PPP2R2C: variants seen among roughly 807,000 people sequenced by gnomAD.
The protein encoded by PPP2R2C is protein phosphatase 2, regulatory subunit B, gamma.
Under a neutral mutation model 45.3 loss-of-function variants are expected in PPP2R2C, and 10 were observed. That is an observed-to-expected ratio of 0.22 (90% CI 0.14 to 0.37). The LOEUF (loss-of-function observed/expected upper bound fraction) is 0.37. Ranked by LOEUF, PPP2R2C falls within the 10% of genes least tolerant of loss-of-function variation. PPP2R2C has a pLI of 1.00. For synonymous variants in PPP2R2C, 257 were observed against 245.4 expected (o/e 1.05, Z -0.44); for missense variants, 308 against 619.7 (o/e 0.50, Z 5.34).
At chr4:6,357,352 C>T (rs78333035) in intron 5 of PPP2R2C, among the ~76,000 whole-genome samples, 1 of 152,298 alleles carries the variant, frequency 6.6e-6, no homozygotes, top group Admixed American at 6.5e-5. Flanking sequence ...CCTTCCAGTG[C>T]CAACATTCAC....
rs889462938 is a variant in PPP2R2C at position 6,331,639 on chromosome 4, A to G, written c.960+1923T>C. 4.6e-5 allele frequency among the ~76,000 whole-genome samples: 7 copies of G among 152,246 alleles called. No individual in the cohort carries two copies. The South Asian group carries it at 1.0e-3, about 23-fold the overall frequency. On this transcript the variant is annotated intron_variant, in intron 7 of 8. Coordinates refer to ENST00000382599, the MANE Select transcript of PPP2R2C (RefSeq NM_020416.4). This position sits in a 1 kb window ranked among gnomAD's most constrained non-coding sequence, Gnocchi z 5.9. ...AGGGGTGAGATCTAGTGCATTTCCT[A>G]TTTCCTGCCTGGAATGTAGGCAAAG...
chr4:6,375,150 C>T (rs951396002), intron 4 of PPP2R2C, among the ~76,000 whole-genome samples: 9 of 152,166 alleles, frequency 5.9e-5, no homozygotes, highest in Non-Finnish European at 8.8e-5. Context: ...GGCACCAGCA[C>T]CCTCATTACT....
intron 1 of PPP2R2C, among the ~76,000 whole-genome samples, chr4:6,398,899 T>A (rs1413012929): frequency 2.0e-5 from 3 of 151,996 alleles, no homozygotes; most frequent in African/African-American, 4.8e-5. Flanking sequence ...AGAACAGAAT[T>A]CTCCTCAAAG....
intron 1 of PPP2R2C, among the ~76,000 whole-genome samples, chr4:6,386,838 G>GA (rs138927754): frequency 6.6e-6 from 1 of 152,228 alleles, no homozygotes; most frequent in Non-Finnish European, 1.5e-5. Context: ...AAGACGTAAA[G>GA]AAAATTGGCT....
At chr4:6,444,991 T>C (rs1720342559) in intron 1 of PPP2R2C, among the ~76,000 whole-genome samples, 1 of 152,028 alleles carries the variant, frequency 6.6e-6, no homozygotes. Context: ...TCCAGATCAG[T>C]CTGGGCAACA....
intron 5 of PPP2R2C, among the ~76,000 whole-genome samples, chr4:6,362,491 A>C (rs4689420): frequency 0.9 from 137,498 of 152,242 alleles, 62,782 homozygotes; most frequent in East Asian, 1. Flanking sequence ...CCATGCTCAT[A>C]GCAAAACAAC....
At chr4:6,389,396 C>A (rs2109329357) in intron 1 of PPP2R2C, among the ~76,000 whole-genome samples, 1 of 152,312 alleles carries the variant, frequency 6.6e-6, no homozygotes. Context: ...CTTAGGCAAG[C>A]CCAGCTCGAG....
At chr4:6,506,467 C>T (rs551150708) in intron 2 of PPP2R2C, among the ~76,000 whole-genome samples, 41 of 152,270 alleles carry the variant, frequency 2.7e-4, no homozygotes, top group African/African-American at 8.4e-4. Context: ...CACATGGAAA[C>T]AGGACACAGC....
At chr4:6,344,333 A>G (rs1711620959) in intron 6 of PPP2R2C, among the ~76,000 whole-genome samples, 1 of 152,246 alleles carries the variant, frequency 6.6e-6, no homozygotes, top group South Asian at 2.1e-4. Context: ...TGTTGAGTTC[A>G]TTGGCTGATT....
chr4:6,522,410 C>T (rs896797907), intron 2 of PPP2R2C, among the ~76,000 whole-genome samples: 2 of 152,238 alleles, frequency 1.3e-5, no homozygotes, highest in Non-Finnish European at 2.9e-5. Flanking sequence ...TGTGCCCCCC[C>T]AGACCCCACA....
intron 1 of PPP2R2C, among the ~76,000 whole-genome samples, chr4:6,401,833 G>A (rs1238181151): frequency 1.3e-5 from 2 of 152,012 alleles, no homozygotes; most frequent in African/African-American, 2.4e-5. Flanking sequence ...TGGTGGGAGA[G>A]GGGGGGTATC....
At chr4:6,419,381 G>GTGCCAC (rs1168320241) in intron 1 of PPP2R2C, among the ~76,000 whole-genome samples, 3 of 152,118 alleles carry the variant, frequency 2.0e-5, no homozygotes, top group South Asian at 4.2e-4. Flanking sequence ...AGCTGAGATG[G>GTGCCAC]TGCCACTGCC....
chr4:6,481,551 G>A (rs924927722), intron 2 of PPP2R2C, among the ~76,000 whole-genome samples: 1 of 152,212 alleles, frequency 6.6e-6, no homozygotes, highest in Non-Finnish European at 1.5e-5. Flanking sequence ...CCCTGCCGTA[G>A]AGAGACAGCT....
At chr4:6,339,420 C>G (rs1733271354) in intron 6 of PPP2R2C, among the ~76,000 whole-genome samples, 1 of 152,264 alleles carries the variant, frequency 6.6e-6, no homozygotes, top group East Asian at 1.9e-4. Flanking sequence ...TCTTCCCCAA[C>G]CTGATGTGGT....
chr4:6,512,325 A>G (rs867763353), intron 2 of PPP2R2C, among the ~76,000 whole-genome samples: 153 of 12,152 alleles, frequency 0.013, no homozygotes, highest in Admixed American at 0.019. Flanking sequence ...TTATGGTGGT[A>G]GTGGTGGTGA....
At chr4:6,385,119 C>T (rs903775157) in intron 1 of PPP2R2C, among the ~76,000 whole-genome samples, 2 of 152,168 alleles carry the variant, frequency 1.3e-5, no homozygotes, top group African/African-American at 2.4e-5. Context: ...CTGGCTGCCA[C>T]AGAATTGACA....
chr4:6,331,169 T>C lies in PPP2R2C; in HGVS notation c.961-1816A>G, dbSNP rs778323383. Among the ~76,000 whole-genome samples the C allele has an allele frequency of 2.0e-5, 3 of 152,216 alleles. No homozygotes were observed. Among genetic ancestry groups the C allele is most frequent in the African/African-American group, 7.2e-5 (3 of 41,464 alleles). The stretch of plus-strand genomic sequence containing the variant: ...ACTCAGCTCCCAGCAGCCTTGGTGA[T>C]GCACGCGTCCAAATGCGCATGCTGT... On this transcript the variant is annotated intron_variant, in intron 7 of 8. Transcript: ENST00000382599. This position sits in a 1 kb window ranked among gnomAD's most constrained non-coding sequence, Gnocchi z 5.9.
chr4:6,323,898 T>C (rs1052647633), intron 8 of PPP2R2C, among the ~76,000 whole-genome samples: 19 of 151,716 alleles, frequency 1.3e-4, no homozygotes, highest in African/African-American at 4.6e-4. Context: ...TGAGCTGTGA[T>C]TTACCACTGC....
chr4:6,372,101 G>C (rs1398692249), intron 5 of PPP2R2C, among the ~76,000 whole-genome samples: 2 of 152,224 alleles, frequency 1.3e-5, no homozygotes, highest in African/African-American at 2.4e-5. Flanking sequence ...CCTGGCCGGG[G>C]CCCCAGTGCT....
Sources: allele counts gnomAD v4.1 joint callset (sites outside exome capture counted in the v4.1 genomes callset), GRCh38; gene constraint gnomAD v4.1.1; non-coding constraint Gnocchi (gnomAD v3.1); transcripts MANE v1.5; gene names NCBI Gene and HGNC (gene_info 2026-07-23, HGNC 2026-07-21).